The following LRRC8D variants were observed in gnomAD, a reference collection of about 807,000 sequenced individuals.
LRRC8D encodes the protein leucine rich repeat containing 8 VRAC subunit D.
In LRRC8D, 20 loss-of-function variants were observed where a neutral mutation model predicts 55.8. The observed-to-expected ratio is 0.36, with a 90% CI of 0.25 to 0.52. The LOEUF (loss-of-function observed/expected upper bound fraction) is 0.52. Among genes scored for constraint, LRRC8D ranks in the 20% least tolerant of loss-of-function variants. LRRC8D has a pLI of 0.93. For synonymous variants in LRRC8D, 352 were observed against 377.0 expected, an observed-to-expected ratio of 0.93 and a Z score of 0.77; for missense variants, 651 against 1,030.8, an observed-to-expected ratio of 0.63 and a Z score of 5.05.
chr1:89,843,796 G>A lies in LRRC8D; in HGVS notation c.-3+14G>A, dbSNP rs999842681. The A allele has an allele frequency of 3.9e-5, 26 of 659,828 alleles. No homozygotes were observed. The African/African-American group carries it at 4.6e-4, about 12-fold the overall frequency. 40.9% of individuals were successfully genotyped at this position (659,828 alleles called of 1,614,324 possible). A position where few individuals can be genotyped will look rare whatever the true frequency, so the allele number is the denominator to read the frequency against. On this transcript the variant is annotated intron_variant, in intron 2 of 2. Transcript: ENST00000337338. ...CGCTTGGTCCAGGTGCGCGGGGTCG[G>A]GTCTGGGTCCAGGGAGCGGGTCGGG...
chr1:89,867,573 G>A (rs78285810), intron 2 of LRRC8D, among the ~76,000 whole-genome samples: 18,745 of 152,082 alleles, frequency 0.12, 1,414 homozygotes, highest in Non-Finnish European at 0.17. Context: ...GTGAACATTT[G>A]TATGCACGTT....
intron 1 of LRRC8D, among the ~76,000 whole-genome samples, chr1:89,842,539 A>G (rs1661162129): frequency 6.6e-6 from 1 of 152,210 alleles, no homozygotes; most frequent in Non-Finnish European, 1.5e-5. Flanking sequence ...TATTGTTTGT[A>G]TTACATTCTC....
intron 2 of LRRC8D, among the ~76,000 whole-genome samples, chr1:89,908,094 C>G (rs1663040762): frequency 6.6e-6 from 1 of 152,150 alleles, no homozygotes; most frequent in South Asian, 2.1e-4. Context: ...ATAAAACATT[C>G]ATAATAGTGA....
At chr1:89,878,896 G>A (rs1662211148) in intron 2 of LRRC8D, among the ~76,000 whole-genome samples, 1 of 151,770 alleles carries the variant, frequency 6.6e-6, no homozygotes, top group Non-Finnish European at 1.5e-5. Context: ...GAACCCAGGA[G>A]GCAGAGATTG....
At chr1:89,928,662 A>T (rs988739876) in intron 2 of LRRC8D, among the ~76,000 whole-genome samples, 1 of 151,960 alleles carries the variant, frequency 6.6e-6, no homozygotes, top group East Asian at 1.9e-4. Flanking sequence ...AGTACTCTGT[A>T]CTCTGTTGCT....
rs1182204493 is a variant in LRRC8D, at chr1:89,893,528, G to C, written c.-2-39539G>C. ...AAAGTATTCTGAAAACAAAACAACA[G>C]AAAATACTGGAAATTATGCATTTTC... On this transcript the variant is annotated intron_variant, in intron 2 of 2. Coordinates refer to ENST00000337338, the MANE Select transcript of LRRC8D (RefSeq NM_001134479.2). Among the ~76,000 whole-genome samples the C allele has an allele frequency of 2.0e-5, 3 of 152,174 alleles. No homozygotes were observed. The East Asian group carries it at 5.8e-4, about 29-fold the overall frequency.
intron 2 of LRRC8D, among the ~76,000 whole-genome samples, chr1:89,857,368 G>A (rs1228022577): frequency 1.5e-5 from 2 of 131,508 alleles, no homozygotes; most frequent in Admixed American, 8.3e-5. Context: ...GGCAACAAGA[G>A]CGAAACTCCA....
intron 1 of LRRC8D, among the ~76,000 whole-genome samples, chr1:89,830,753 T>G (rs1025032823): frequency 1.3e-5 from 2 of 152,210 alleles, no homozygotes; most frequent in Admixed American, 6.5e-5. Flanking sequence ...AATCTGATTT[T>G]AAAGGTTGGC....
In LRRC8D at chr1:89,911,426, G is replaced by A. The variant is rs79135558; in HGVS notation, c.-2-21641G>A. Among the ~76,000 whole-genome samples, 7,880 of 152,048 alleles carry A rather than the reference G, an allele frequency of 0.052. 234 individuals are homozygous for A. The highest frequency in any genetic ancestry group is 0.13 in the East Asian group (672 of 5,156). ...TTTTATGAAGTCATAGCAACATGCCGCATACTTGAGTTATAGCTCCTTGTC... is the reference window on the plus strand; with the variant it reads ...TTTTATGAAGTCATAGCAACATGCCACATACTTGAGTTATAGCTCCTTGTC... On this transcript the variant is annotated intron_variant, in intron 2 of 2. Coordinates refer to ENST00000337338, the MANE Select transcript of LRRC8D (RefSeq NM_001134479.2). The surrounding 1 kb of genome is among the most constrained non-coding windows in gnomAD (Gnocchi z 4.0).
At chr1:89,867,581 G>A (rs1412666993) in intron 2 of LRRC8D, among the ~76,000 whole-genome samples, 1 of 152,062 alleles carries the variant, frequency 6.6e-6, no homozygotes, top group African/African-American at 2.4e-5. Context: ...TTGTATGCAC[G>A]TTTTTAGGTG....
At chr1:89,838,196 TAA>T (rs202026062) in intron 1 of LRRC8D, among the ~76,000 whole-genome samples, 39,434 of 79,804 alleles carry the variant, frequency 0.49, 5,745 homozygotes, top group Non-Finnish European at 0.54. Flanking sequence ...CCCTGTCCCT[TAA>T]AAAAAAAAAA....
intron 2 of LRRC8D, among the ~76,000 whole-genome samples, chr1:89,909,745 A>G (rs1322790790): frequency 6.6e-6 from 1 of 151,962 alleles, no homozygotes; most frequent in African/African-American, 2.4e-5. Flanking sequence ...GGGCGCCTGT[A>G]GTCCCAGCTA....
chr1:89,935,769 G>A lies in LRRC8D; in HGVS notation c.*124G>A, dbSNP rs1018211420. On this transcript the variant is annotated 3_prime_UTR_variant, in exon 3 of 3. Transcript: ENST00000337338. ...TACATCTTTTAAAATAAAACAGAGAGGATGCATAGAAGGCTGATAGAAGAC... is the reference window on the plus strand; with the variant it reads ...TACATCTTTTAAAATAAAACAGAGAAGATGCATAGAAGGCTGATAGAAGAC... The A allele has an allele frequency of 1.2e-6, 1 of 813,974 alleles. No homozygotes were observed. Among genetic ancestry groups the A allele is most frequent in the African/African-American group, 1.7e-5 (1 of 57,550 alleles). 50.4% of individuals were successfully genotyped at this position (813,974 alleles called of 1,614,324 possible).
intron 2 of LRRC8D, among the ~76,000 whole-genome samples, chr1:89,883,194 C>T (rs533894214): frequency 6.6e-6 from 1 of 151,906 alleles, no homozygotes; most frequent in African/African-American, 2.4e-5. Flanking sequence ...TTAGTGAGAC[C>T]CCCATCCCTC....
chr1:89,924,647 G>A (rs1294665738), intron 2 of LRRC8D, among the ~76,000 whole-genome samples: 1 of 152,064 alleles, frequency 6.6e-6, no homozygotes, highest in African/African-American at 2.4e-5. Flanking sequence ...CAATAGCAAA[G>A]ACATGTAATC....
chr1:89,869,939 C>T (rs1295607609), intron 2 of LRRC8D, among the ~76,000 whole-genome samples: 1 of 151,474 alleles, frequency 6.6e-6, no homozygotes, highest in Admixed American at 6.6e-5. Flanking sequence ...GAAACCCTGT[C>T]TCTACTAAAA....
intron 2 of LRRC8D, among the ~76,000 whole-genome samples, chr1:89,874,197 A>G (rs1662092613): frequency 6.6e-6 from 1 of 152,212 alleles, no homozygotes; most frequent in African/African-American, 2.4e-5. Context: ...TAAAGGGAAA[A>G]ACTAGGAGGA....
intron 2 of LRRC8D, among the ~76,000 whole-genome samples, chr1:89,917,563 G>GC (rs1663306780): frequency 1.3e-5 from 2 of 152,068 alleles, no homozygotes; most frequent in African/African-American, 4.8e-5. Context: ...TCTCCACAGG[G>GC]CCTTTGCACA....
intron 2 of LRRC8D, among the ~76,000 whole-genome samples, chr1:89,865,670 C>G (rs565112628): frequency 6.6e-6 from 1 of 152,026 alleles, no homozygotes; most frequent in African/African-American, 2.4e-5. Flanking sequence ...CTTATCAGAT[C>G]GTAAATCTGC....
Sources: allele counts gnomAD v4.1 joint callset (sites outside exome capture counted in the v4.1 genomes callset), GRCh38; gene constraint gnomAD v4.1.1; non-coding constraint Gnocchi (gnomAD v3.1); transcripts MANE v1.5; gene names NCBI Gene and HGNC (gene_info 2026-07-23, HGNC 2026-07-21).